Variants in NKAIN2 observed in about 807,000 individuals in gnomAD.
NKAIN2 encodes sodium/potassium transporting ATPase interacting 2.
NKAIN2 carries 14 observed loss-of-function variants against 32.6 expected under a neutral mutation model. The observed-to-expected ratio is 0.43, with a 90% confidence interval of 0.28 to 0.67. NKAIN2 has a LOEUF of 0.67. NKAIN2 is among the 30% of genes least tolerant of loss of function. NKAIN2 has a pLI of 0.17. For missense variants in NKAIN2, 198 were observed against 258.3 expected, an observed-to-expected ratio of 0.77 and a Z score of 1.60; for synonymous variants, 80 against 87.2, an observed-to-expected ratio of 0.92 and a Z score of 0.46.
intron 3 of NKAIN2, among the ~76,000 whole-genome samples, chr6:124,500,079 T>C (rs925500909): frequency 6.6e-6 from 1 of 152,212 alleles, no homozygotes; most frequent in Non-Finnish European, 1.5e-5. Flanking sequence ...CCAAATATAC[T>C]GTAGCCTATC....
At chr6:123,821,579 T>G (rs1023538543) in intron 1 of NKAIN2, among the ~76,000 whole-genome samples, 1 of 152,176 alleles carries the variant, frequency 6.6e-6, no homozygotes, top group Non-Finnish European at 1.5e-5. Context: ...CACTCAGTAT[T>G]AGCAGTCTTT....
At chr6:123,828,094 G>C (rs773116892) in intron 1 of NKAIN2, among the ~76,000 whole-genome samples, 1 of 151,964 alleles carries the variant, frequency 6.6e-6, no homozygotes, top group African/African-American at 2.4e-5. Flanking sequence ...TAACCTTTGT[G>C]GTCCTGCTCA....
At chr6:124,133,324 C>T (rs541790177) in intron 1 of NKAIN2, among the ~76,000 whole-genome samples, 1 of 152,146 alleles carries the variant, frequency 6.6e-6, no homozygotes, top group Non-Finnish European at 1.5e-5. Flanking sequence ...GATCTGAATA[C>T]CTGAAACACT....
At chr6:123,969,241 A>G (rs1778227692) in intron 1 of NKAIN2, among the ~76,000 whole-genome samples, 1 of 152,174 alleles carries the variant, frequency 6.6e-6, no homozygotes, top group Non-Finnish European at 1.5e-5. Context: ...TTAGGTATTA[A>G]TGTGTGATGG....
At chr6:124,796,350 C>T (rs1225013239) in intron 5 of NKAIN2, among the ~76,000 whole-genome samples, 2 of 152,156 alleles carry the variant, frequency 1.3e-5, no homozygotes, top group East Asian at 3.8e-4. Context: ...ATTACCTCTT[C>T]AAAGGGCCAA....
intron 1 of NKAIN2, among the ~76,000 whole-genome samples, chr6:123,969,114 T>C (rs1213546573): frequency 6.6e-6 from 1 of 152,308 alleles, no homozygotes; most frequent in East Asian, 1.9e-4. Flanking sequence ...CCAATCTCAG[T>C]ATCTCCTGAG....
intron 4 of NKAIN2, among the ~76,000 whole-genome samples, chr6:124,687,759 C>CACACACACAG (rs1303214543): frequency 2.1e-5 from 3 of 142,350 alleles, no homozygotes; most frequent in Non-Finnish European, 4.6e-5. Context: ...CACACACACA[C>CACACACACAG]ACACACACAC....
Position 124,810,497 on chromosome 6 carries a change from C to T in NKAIN2, c.536-7890C>T, listed in dbSNP as rs540657392. 8.6e-5 allele frequency among the ~76,000 whole-genome samples: 13 copies of T among 151,602 alleles called. No individual in the cohort carries two copies. In the South Asian group the frequency reaches 1.0e-3, roughly 12 times the overall value. ...GAGGACTGTTGTGGGGTGGGGGGAGCGGGAAGGGATAGCATTGGGAGATAT... is the reference window on the plus strand; with the variant it reads ...GAGGACTGTTGTGGGGTGGGGGGAGTGGGAAGGGATAGCATTGGGAGATAT... On this transcript the variant is annotated intron_variant, in intron 5 of 6. Transcript: ENST00000368417.
intron 3 of NKAIN2, among the ~76,000 whole-genome samples, chr6:124,485,531 AAT>A (rs757651903): frequency 8.0e-4 from 121 of 152,002 alleles, no homozygotes; most frequent in African/African-American, 1.1e-3. Context: ...GTTAAAATAA[AAT>A]ATGTTTTATT....
At chr6:124,233,316 C>T (rs1238875263) in intron 1 of NKAIN2, among the ~76,000 whole-genome samples, 1 of 151,880 alleles carries the variant, frequency 6.6e-6, no homozygotes, top group Non-Finnish European at 1.5e-5. Context: ...ATAACATTTT[C>T]TGCACTAGCA....
At chr6:124,564,659 G>A (rs1780834779) in intron 3 of NKAIN2, among the ~76,000 whole-genome samples, 1 of 152,152 alleles carries the variant, frequency 6.6e-6, no homozygotes, top group African/African-American at 2.4e-5. Flanking sequence ...CTTGAAGTCA[G>A]CAAGACCAAG....
intron 3 of NKAIN2, among the ~76,000 whole-genome samples, chr6:124,647,092 G>A (rs1784200541): frequency 6.6e-6 from 1 of 151,752 alleles, no homozygotes; most frequent in African/African-American, 2.4e-5. Context: ...TTATTAATGG[G>A]TATGGATATG....
intron 4 of NKAIN2, among the ~76,000 whole-genome samples, chr6:124,705,614 T>C (rs888371643): frequency 3.3e-5 from 5 of 152,086 alleles, no homozygotes; most frequent in Non-Finnish European, 5.9e-5. Context: ...TGGGGAATTA[T>C]GAAGATGGAG....
At chr6:123,967,021 GATTA>G (rs1299443355) in intron 1 of NKAIN2, among the ~76,000 whole-genome samples, 2 of 152,172 alleles carry the variant, frequency 1.3e-5, no homozygotes, top group African/African-American at 4.8e-5. Context: ...TTTCAGAAAT[GATTA>G]ATTTAGAGAT....
At chr6:124,423,596 T>C (rs1435381034) in intron 3 of NKAIN2, among the ~76,000 whole-genome samples, 1 of 152,200 alleles carries the variant, frequency 6.6e-6, no homozygotes, top group East Asian at 1.9e-4. Context: ...ATAGCCAACA[T>C]GATACTATTA....
intron 1 of NKAIN2, among the ~76,000 whole-genome samples, chr6:123,871,356 A>G (rs999342161): frequency 4.6e-5 from 7 of 152,170 alleles, no homozygotes; most frequent in African/African-American, 1.7e-4. Context: ...AATATGTTCC[A>G]ACTTCAGTGT....
chr6:124,616,763 A>T (rs1402458112), intron 3 of NKAIN2, among the ~76,000 whole-genome samples: 2 of 151,910 alleles, frequency 1.3e-5, no homozygotes, highest in Non-Finnish European at 2.9e-5. Flanking sequence ...CTCTGCTGCC[A>T]TCTTTCTGGG....
intron 1 of NKAIN2, among the ~76,000 whole-genome samples, chr6:123,836,594 G>A (rs1180762252): frequency 6.6e-6 from 1 of 151,604 alleles, no homozygotes; most frequent in Non-Finnish European, 1.5e-5. Context: ...TGAAGCTAAG[G>A]AAAATGGTGA....
At chr6:123,887,365 C>T (rs954800135) in intron 1 of NKAIN2, among the ~76,000 whole-genome samples, 1 of 152,074 alleles carries the variant, frequency 6.6e-6, no homozygotes, top group Admixed American at 6.6e-5. Flanking sequence ...TATTGCGTGA[C>T]TTATTCACAA....
Sources: allele counts gnomAD v4.1 joint callset (sites outside exome capture counted in the v4.1 genomes callset), GRCh38; gene constraint gnomAD v4.1.1; transcripts MANE v1.5; gene names NCBI Gene and HGNC (gene_info 2026-07-23, HGNC 2026-07-21).